Variants in DPP10 observed in about 807,000 individuals in gnomAD.
DPP10 encodes the protein inactive dipeptidyl peptidase 10.
DPP10 carries 33 observed loss-of-function variants against 120.9 expected under a neutral mutation model. The ratio of observed to expected loss-of-function variants is 0.27; its 90% CI spans 0.21 to 0.37. The LOEUF is 0.37. Among genes scored for constraint, DPP10 ranks in the 10% least tolerant of loss-of-function variants. DPP10 has a pLI of 1.00. For synonymous variants in DPP10, 337 were observed against 326.1 expected, an observed-to-expected ratio of 1.03 and a Z score of -0.36; for missense variants, 816 against 942.8, an observed-to-expected ratio of 0.87 and a Z score of 1.76.
chr2:114,519,922 G>A (rs1684912379), intron 1 of DPP10, among the ~76,000 whole-genome samples: 1 of 152,138 alleles, frequency 6.6e-6, no homozygotes, highest in Non-Finnish European at 1.5e-5. Context: ...TCCTCTTCAT[G>A]TATTGCGATG....
chr2:115,737,837 C>A (rs1428469392), intron 8 of DPP10, among the ~76,000 whole-genome samples: 1 of 152,118 alleles, frequency 6.6e-6, no homozygotes, highest in Non-Finnish European at 1.5e-5. Flanking sequence ...CGGTGTATCC[C>A]AAACTACTAG....
intron 7 of DPP10, among the ~76,000 whole-genome samples, chr2:115,714,720 G>A (rs995247325): frequency 1.3e-5 from 2 of 152,096 alleles, no homozygotes; most frequent in Admixed American, 1.3e-4. Flanking sequence ...ACTTGGAATA[G>A]CCCTTTCTCT....
intron 1 of DPP10, among the ~76,000 whole-genome samples, chr2:114,836,374 A>G (rs1388007299): frequency 2.0e-5 from 3 of 152,174 alleles, no homozygotes; most frequent in African/African-American, 7.2e-5. Flanking sequence ...ACAGAGTACA[A>G]AAGAGAGAAA....
rs981149538 is a variant in DPP10 at position 115,218,606 on chromosome 2, A to G, written c.61-90633A>G. Among the ~76,000 whole-genome samples, 6 of 152,236 alleles carry G rather than the reference A, an allele frequency of 3.9e-5. No individual in the cohort carries two copies. The South Asian group carries it at 6.2e-4, about 16-fold the overall frequency. On this transcript the variant is annotated intron_variant, in intron 1 of 25. Coordinates refer to ENST00000410059, the MANE Select transcript of DPP10 (RefSeq NM_020868.6). ...CCATTCCAGTTCATTGCATCAGGCT[A>G]TAGCTTTCATTTAAAATTTTTTCTT...
chr2:115,237,859 T>G (rs935069292), intron 1 of DPP10, among the ~76,000 whole-genome samples: 4 of 152,168 alleles, frequency 2.6e-5, no homozygotes, highest in Non-Finnish European at 5.9e-5. Flanking sequence ...AGGAAAACTT[T>G]GAAGTTAGCA....
intron 1 of DPP10, among the ~76,000 whole-genome samples, chr2:114,935,329 T>C (rs922928425): frequency 6.6e-6 from 1 of 152,176 alleles, no homozygotes; most frequent in African/African-American, 2.4e-5. Flanking sequence ...GCCCTTATTT[T>C]TACTGAAGCC....
Position 115,514,819 on chromosome 2 carries a change from C to G in DPP10, c.367-11079C>G, listed in dbSNP as rs557587643. 1.8e-4 allele frequency among the ~76,000 whole-genome samples: 28 copies of G among 151,766 alleles called. 1 individual carries two copies. In the South Asian group the frequency reaches 5.2e-3, roughly 28 times the overall value. ...CAGATGTATATATCATAAAAAATTC[C>G]CCCTTCATAACTCAGTACCCATTTT... On this transcript the variant is annotated intron_variant, in intron 4 of 25. Transcript: ENST00000410059.
At chr2:114,912,659 C>G (rs527861388) in intron 1 of DPP10, among the ~76,000 whole-genome samples, 3 of 152,166 alleles carry the variant, frequency 2.0e-5, no homozygotes, top group East Asian at 1.9e-4. Context: ...CAGGAGGAAG[C>G]TGAAAACCCT....
At chr2:114,546,433 A>G (rs1284577020) in intron 1 of DPP10, among the ~76,000 whole-genome samples, 1 of 152,176 alleles carries the variant, frequency 6.6e-6, no homozygotes, top group African/African-American at 2.4e-5. Flanking sequence ...TCATGATCCA[A>G]TCAGCCTCTG....
chr2:114,547,813 A>C (rs1315413813), intron 1 of DPP10, among the ~76,000 whole-genome samples: 1 of 152,198 alleles, frequency 6.6e-6, no homozygotes, highest in African/African-American at 2.4e-5. Flanking sequence ...TGAACCTGTC[A>C]CTGTGGAAGA....
At chr2:114,775,861 C>A (rs1296620014) in intron 1 of DPP10, among the ~76,000 whole-genome samples, 1 of 152,108 alleles carries the variant, frequency 6.6e-6, no homozygotes, top group Non-Finnish European at 1.5e-5. Flanking sequence ...GCAATACAAA[C>A]AATAAAAGAC....
chr2:115,402,117 A>T (rs1460954943), intron 3 of DPP10, among the ~76,000 whole-genome samples: 1 of 152,140 alleles, frequency 6.6e-6, no homozygotes. Context: ...GAAATCAAAT[A>T]TTAAGACTTC....
chr2:115,288,615 C>T (rs2060504551), intron 1 of DPP10, among the ~76,000 whole-genome samples: 1 of 151,872 alleles, frequency 6.6e-6, no homozygotes, highest in Non-Finnish European at 1.5e-5. Context: ...CCCAGCTACT[C>T]GGGAGGCTGA....
intron 5 of DPP10, among the ~76,000 whole-genome samples, chr2:115,641,262 G>A (rs181746705): frequency 4.6e-4 from 70 of 152,244 alleles, no homozygotes; most frequent in African/African-American, 1.5e-3. Flanking sequence ...TTCAGATCCT[G>A]TCATTTCCTT....
At chr2:114,630,953 C>A (rs1204782510) in intron 1 of DPP10, among the ~76,000 whole-genome samples, 1 of 152,028 alleles carries the variant, frequency 6.6e-6, no homozygotes, top group African/African-American at 2.4e-5. Flanking sequence ...AGCTAGGGTG[C>A]TGTTGCATTG....
chr2:115,210,415 T>C (rs962527546), intron 1 of DPP10, among the ~76,000 whole-genome samples: 1 of 152,194 alleles, frequency 6.6e-6, no homozygotes, highest in East Asian at 1.9e-4. Context: ...TTATCCAGTC[T>C]ATCATTGTTG....
intron 1 of DPP10, among the ~76,000 whole-genome samples, chr2:114,951,762 C>T (rs1333891831): frequency 1.3e-5 from 2 of 152,186 alleles, no homozygotes; most frequent in African/African-American, 4.8e-5. Flanking sequence ...TTTTAGCACT[C>T]TTAACTAATT....
chr2:114,815,251 T>C (rs1339443003), intron 1 of DPP10, among the ~76,000 whole-genome samples: 2 of 152,224 alleles, frequency 1.3e-5, no homozygotes, highest in Non-Finnish European at 1.5e-5. Context: ...GTACCTGATC[T>C]GAAATTATTT....
intron 1 of DPP10, among the ~76,000 whole-genome samples, chr2:114,495,341 C>G (rs1682420145): frequency 6.6e-6 from 1 of 152,148 alleles, no homozygotes; most frequent in South Asian, 2.1e-4. Context: ...CTCATCTTAT[C>G]TACCTTTGCA....
Sources: gnomAD v4.1 joint callset for allele counts (sites outside exome capture counted in the v4.1 genomes callset) on GRCh38, gnomAD v4.1.1 for gene constraint, MANE v1.5 for transcripts, NCBI Gene and HGNC (gene_info 2026-07-23, HGNC 2026-07-21) for gene names.